The following MOK variants were observed in gnomAD, a reference collection of about 807,000 sequenced individuals.
MOK encodes the protein MAPK/MAK/MRK overlapping kinase.
MOK carries 59 observed loss-of-function variants against 54.2 expected under a neutral mutation model. The observed-to-expected ratio is 1.09, with a 90% CI of 0.88 to 1.35. The LOEUF is 1.35. Among genes scored for constraint, MOK ranks in the 40% most tolerant of loss-of-function variants. The pLI, the probability that MOK is intolerant of heterozygous loss-of-function variation, is 0.00. For synonymous variants in MOK, 210 were observed against 202.7 expected, an observed-to-expected ratio of 1.04 and a Z score of -0.31; for missense variants, 517 against 526.2, an observed-to-expected ratio of 0.98 and a Z score of 0.17.
downstream of MOK, among the ~76,000 whole-genome samples, chr14:102,226,889 G>C (rs1254993982): frequency 6.6e-6 from 1 of 152,148 alleles, no homozygotes; most frequent in Non-Finnish European, 1.5e-5. The surrounding 1 kb of genome is among the most constrained non-coding windows in gnomAD (Gnocchi z 4.8). Context: ...CTCCAGCCTG[G>C]AGGCCCAGCT....
chr14:102,228,486 C>G (rs117634796), downstream of MOK, among the ~76,000 whole-genome samples: 1,053 of 152,148 alleles, frequency 6.9e-3, 3 homozygotes, highest in Non-Finnish European at 0.01. Flanking sequence ...CACCTGAAGT[C>G]GGGAGTTTTG....
chr14:102,262,948 T>C (rs74746751), intron 4 of MOK, among the ~76,000 whole-genome samples: 8,340 of 152,286 alleles, frequency 0.055, 292 homozygotes, highest in African/African-American at 0.1. Flanking sequence ...CCAGGAACAA[T>C]TGGCTCAGTG....
intron 4 of MOK, among the ~76,000 whole-genome samples, chr14:102,255,648 C>G (rs1351841218): frequency 1.3e-5 from 2 of 152,204 alleles, no homozygotes; most frequent in Non-Finnish European, 2.9e-5. Context: ...AAAGCACTGC[C>G]TAGCCACTCT....
intron 1 of MOK, among the ~76,000 whole-genome samples, chr14:102,286,450 T>C (rs947071093): frequency 1.4e-4 from 21 of 151,116 alleles, no homozygotes; most frequent in Non-Finnish European, 2.1e-4. Flanking sequence ...ACCCCGTCTC[T>C]ACAAAAAATA....
rs577278121 is a variant in MOK, at chr14:102,238,804, T to TAAA, written c.591-5016_591-5015insTTT. Among the ~76,000 whole-genome samples, 17 of 152,216 alleles carry TAAA rather than the reference T, an allele frequency of 1.1e-4. No homozygotes were observed. Among genetic ancestry groups the TAAA allele is most frequent in the Admixed American group, 1.0e-3 (16 of 15,290 alleles). On this transcript the variant is annotated intron_variant, in intron 7 of 11. Transcript: ENST00000361847. The surrounding 1 kb of genome is among the most constrained non-coding windows in gnomAD (Gnocchi z 4.8). The stretch of plus-strand genomic sequence containing the variant: ...CATATTTCTTCTCCCCTCACCTATT[T>TAAA]ACCTCACTAAAAAGTATAACTTCAA...
rs906675970 is a variant in MOK at position 102,238,624 on chromosome 14, A to C, written c.591-4835T>G. On this transcript the variant is annotated intron_variant, in intron 7 of 11. Coordinates refer to ENST00000361847, the MANE Select transcript of MOK (RefSeq NM_014226.3). This position sits in a 1 kb window ranked among gnomAD's most constrained non-coding sequence, Gnocchi z 4.8. ...CAACCTCAGTACCCCCCACTGAAAA[A>C]GCCTCATTACTATAACAAGGAGCCT... Among the ~76,000 whole-genome samples the C allele has an allele frequency of 6.6e-6, 1 of 151,960 alleles. No homozygotes were observed. Among genetic ancestry groups the C allele is most frequent in the Non-Finnish European group, 1.5e-5 (1 of 67,984 alleles).
chr14:102,293,722 AAAAAGAAAAG>A (rs1567242891), intron 1 of MOK, among the ~76,000 whole-genome samples: 2 of 146,244 alleles, frequency 1.4e-5, no homozygotes, highest in African/African-American at 5.1e-5. Flanking sequence ...AAAAAAAAAA[AAAAAGAAAAG>A]AAAAGAAAAA....
Position 102,229,637 on chromosome 14 carries a change from C to G in MOK, c.1002G>C (p.Glu334Asp). 1 of 1,612,370 alleles carries G rather than the reference C, an allele frequency of 6.2e-7. No individual in the cohort carries two copies. Among genetic ancestry groups the G allele is most frequent in the Non-Finnish European group, 8.5e-7 (1 of 1,178,786 alleles). ...GTCCTCGTCTCTTGGGACGGTCCTC[C>G]TCTTGCTTTAGGGACTGTTTCTTGA... ...GRKQKQSLKQ[E>D]EDRPKRRGPA... is the part of the protein sequence containing the mutation. Residue 334 changes from glutamate (E) to aspartate (D), a missense_variant, in exon 11 of 12, where the codon GAG becomes GAC. Physicochemically the swap from Glu to Asp is conservative, Grantham distance 45. Coordinates refer to ENST00000361847, the MANE Select transcript of MOK (RefSeq NM_014226.3).
chr14:102,231,753 T>G lies in MOK; in HGVS notation c.935A>C (p.Glu312Ala). The part of the protein sequence containing the change: ...AGFPEHPVAP[E>A]PLSNSCQISK... ...AATCTGGCAGCTGTTACTGAGTGGTTCCGGTGCCACAGGGTGCTCCGGAAA... is the reference window on the plus strand; with the variant it reads ...AATCTGGCAGCTGTTACTGAGTGGTGCCGGTGCCACAGGGTGCTCCGGAAA... Residue 312 changes from glutamate to alanine, a missense_variant, in exon 10 of 12, where the codon GAA becomes GCA. Transcript: ENST00000361847. This position sits in a 1 kb window ranked among gnomAD's most constrained non-coding sequence, Gnocchi z 4.4. The G allele has an allele frequency of 6.2e-7, 1 of 1,612,590 alleles. No homozygotes were observed. Among genetic ancestry groups the G allele is most frequent in the African/African-American group, 1.3e-5 (1 of 75,018 alleles).
intron 4 of MOK, among the ~76,000 whole-genome samples, chr14:102,256,511 T>G (rs1038663554): frequency 2.0e-5 from 3 of 151,774 alleles, no homozygotes; most frequent in African/African-American, 7.3e-5. Flanking sequence ...GAGGCGGAGC[T>G]TGCAGTGAGC....
intron 7 of MOK, among the ~76,000 whole-genome samples, chr14:102,250,390 G>A (rs1303844657): frequency 6.6e-6 from 1 of 152,136 alleles, no homozygotes; most frequent in Non-Finnish European, 1.5e-5. Flanking sequence ...GAGCAGGGAG[G>A]GGTGGGATTG....
downstream of MOK, among the ~76,000 whole-genome samples, chr14:102,226,920 G>A (rs978562893): frequency 2.0e-5 from 3 of 152,154 alleles, no homozygotes; most frequent in South Asian, 2.1e-4. The surrounding 1 kb of genome is among the most constrained non-coding windows in gnomAD (Gnocchi z 4.8). Flanking sequence ...CTGGCGTGCC[G>A]GGCTCGACAC....
intron 4 of MOK, 138 bp from the exon 5 acceptor site, chr14:102,252,133 G>C: frequency 1.6e-6 from 1 of 618,566 alleles, no homozygotes; most frequent in Non-Finnish European, 2.8e-6. Flanking sequence ...AGTAGTCTTA[G>C]GAAATATGTA....
At chr14:102,277,900 A>G (rs940623334) in intron 2 of MOK, among the ~76,000 whole-genome samples, 1 of 152,208 alleles carries the variant, frequency 6.6e-6, no homozygotes, top group African/African-American at 2.4e-5. Flanking sequence ...TATAGATTGC[A>G]TGTTTGTGTC....
At chr14:102,300,506 A>AC (rs1230791264) in intron 1 of MOK, among the ~76,000 whole-genome samples, 1 of 152,014 alleles carries the variant, frequency 6.6e-6, no homozygotes, top group Non-Finnish European at 1.5e-5. Context: ...CTGTGGCTAC[A>AC]CCACAGCACT....
downstream of MOK, chr14:102,225,995 G>A (rs890249067): frequency 7.1e-5 from 26 of 366,028 alleles, no homozygotes; most frequent in South Asian, 1.1e-4. Context: ...GAGGTCGGCC[G>A]TGCCAGGGGT....
At chr14:102,288,547 G>T (rs1313428874) in intron 1 of MOK, among the ~76,000 whole-genome samples, 8 of 152,190 alleles carry the variant, frequency 5.3e-5, no homozygotes, top group Non-Finnish European at 1.2e-4. Flanking sequence ...TGGGATAAAG[G>T]AGTAACCACT....
At chr14:102,266,737 C>T (rs2067947230) in intron 2 of MOK, among the ~76,000 whole-genome samples, 1 of 152,138 alleles carries the variant, frequency 6.6e-6, no homozygotes, top group Non-Finnish European at 1.5e-5. Context: ...CACCCGCCAC[C>T]ATGCCTGGCT....
intron 4 of MOK, among the ~76,000 whole-genome samples, chr14:102,254,005 G>A (rs1276449114): frequency 2.7e-5 from 4 of 150,108 alleles, no homozygotes; most frequent in Non-Finnish European, 4.4e-5. Context: ...TTTTTTTTGG[G>A]ACGAAGTGTA....
Sources: allele counts gnomAD v4.1 joint callset (sites outside exome capture counted in the v4.1 genomes callset), GRCh38; gene constraint gnomAD v4.1.1; non-coding constraint Gnocchi (gnomAD v3.1); transcripts MANE v1.5; gene names NCBI Gene and HGNC (gene_info 2026-07-23, HGNC 2026-07-21).